NSUN4: variants seen among roughly 807,000 people sequenced by gnomAD.
The protein encoded by NSUN4 is NOP2/Sun RNA methyltransferase 4, also known as 5-cytosine rRNA methyltransferase NSUN4.
A neutral mutation model predicts 43.8 loss-of-function variants in NSUN4; 31 were observed. The observed-to-expected ratio is 0.71, with a 90% CI of 0.53 to 0.96. The LOEUF is 0.96. NSUN4 is among the 40% of genes least tolerant of loss of function. The pLI, the probability that NSUN4 is intolerant of heterozygous loss-of-function variation, is 0.00. For missense variants in NSUN4, 439 were observed against 475.6 expected (o/e 0.92, Z 0.72); for synonymous variants, 167 against 184.1 (o/e 0.91, Z 0.75).
At chr1:46,341,975 G>A (rs1249780532) in intron 1 of NSUN4, 9 of 1,232,078 alleles carry the variant, frequency 7.3e-6, no homozygotes, top group Non-Finnish European at 9.1e-6. Flanking sequence ...CCCCGGGAAC[G>A]AGCCCAGTGA....
At chr1:46,375,075 T>G in the NSUN4 span, among the ~76,000 whole-genome samples, 1 of 152,192 alleles carries the variant, frequency 6.6e-6, no homozygotes, top group African/African-American at 2.4e-5. Flanking sequence ...ATAGTTTATT[T>G]GAACAATCAA....
chr1:46,376,882 C>T, the NSUN4 span, among the ~76,000 whole-genome samples: 22 of 151,502 alleles, frequency 1.5e-4, no homozygotes, highest in African/African-American at 3.6e-4. Context: ...CTCAGCCTCC[C>T]GAGTAGCTGG....
rs907729298 is a variant in NSUN4 at position 46,364,390 on chromosome 1, A to G, written c.*2544A>G. 4 of 151,668 alleles carry G rather than the reference A, an allele frequency of 2.6e-5. No homozygotes were observed. Among genetic ancestry groups the G allele is most frequent in the Non-Finnish European group, 2.9e-5 (2 of 68,100 alleles). The allele number at this position is 151,668 out of a possible 1,614,324, so 9.4% of individuals were successfully genotyped here. On this transcript the variant is annotated 3_prime_UTR_variant, in exon 6 of 6. Coordinates refer to ENST00000474844, the MANE Select transcript of NSUN4 (RefSeq NM_199044.4). The stretch of plus-strand genomic sequence containing the variant: ...TTATAATGTGCTGTTTAAAGTCTGA[A>G]GCTCGGCCAGGTGCGGTGGCTCACG...
At position 46,361,744 on chromosome 1, in the gene NSUN4, AT is replaced by A. The variant is rs754918875; in HGVS notation, c.1057del (p.Cys353ValfsTer12). 1 of 1,614,212 alleles carries A rather than the reference AT, an allele frequency of 6.2e-7. No individual in the cohort carries two copies. Among genetic ancestry groups the A allele is most frequent in the Non-Finnish European group, 8.5e-7 (1 of 1,180,034 alleles). On this transcript the variant is annotated frameshift_variant, in exon 6 of 6. Coordinates refer to ENST00000474844, the MANE Select transcript of NSUN4 (RefSeq NM_199044.4). LOFTEE classifies it high-confidence loss of function. ...ACTTCCGAAGGGTTTTCATGGACAC[AT>A]TTTGTTTCTTCTCATCCTGTCAGGT... ...THFRRVFMDT[F>X]CFFSSCQVGE...
chr1:46,360,272 ATATATG>A (rs1391702284), intron 4 of NSUN4, among the ~76,000 whole-genome samples: 3,911 of 99,402 alleles, frequency 0.039, 235 homozygotes, highest in Non-Finnish European at 0.059. Flanking sequence ...ATATATATAT[ATATATG>A]TAAATTAGTC....
At chr1:46,366,701 A>G (rs866284524), downstream of NSUN4, among the ~76,000 whole-genome samples, 9 of 140,228 alleles carry the variant, frequency 6.4e-5, no homozygotes, top group Non-Finnish European at 1.2e-4. Flanking sequence ...TCTACTAAAA[A>G]TACAAAAAAA....
At chr1:46,348,084 G>C (rs910420933) in intron 3 of NSUN4, among the ~76,000 whole-genome samples, 5 of 152,148 alleles carry the variant, frequency 3.3e-5, no homozygotes, top group East Asian at 3.9e-4. Context: ...GTTTCACCCT[G>C]TTAGCCAGGA....
At chr1:46,368,919 C>T (rs1664195153), downstream of NSUN4, among the ~76,000 whole-genome samples, 1 of 152,160 alleles carries the variant, frequency 6.6e-6, no homozygotes, top group Non-Finnish European at 1.5e-5. Flanking sequence ...TCTCCATTGC[C>T]AGCAGGATCA....
chr1:46,377,083 T>C, the NSUN4 span, among the ~76,000 whole-genome samples: 1 of 151,778 alleles, frequency 6.6e-6, no homozygotes, highest in African/African-American at 2.4e-5. Flanking sequence ...AAAGTTTTGC[T>C]CTGTTGCCCA....
the NSUN4 span, among the ~76,000 whole-genome samples, chr1:46,375,974 C>A: frequency 6.6e-6 from 1 of 150,570 alleles, no homozygotes; most frequent in Non-Finnish European, 1.5e-5. Flanking sequence ...GGGGTGGTGG[C>A]ACATGCCTGT....
At chr1:46,341,130 C>T in intron 1 of NSUN4, 2 of 1,298,516 alleles carry the variant, frequency 1.5e-6, no homozygotes, top group Non-Finnish European at 2.0e-6. Flanking sequence ...CGTCTGCAGT[C>T]TCCTGACTCC....
At chr1:46,350,385 A>T (rs1163930488) in intron 3 of NSUN4, among the ~76,000 whole-genome samples, 3 of 151,980 alleles carry the variant, frequency 2.0e-5, no homozygotes, top group Non-Finnish European at 4.4e-5. Flanking sequence ...AAAAAAGGAG[A>T]CATTTATTTA....
chr1:46,368,525 CT>C (rs1342819085), downstream of NSUN4, among the ~76,000 whole-genome samples: 1 of 152,142 alleles, frequency 6.6e-6, no homozygotes, highest in African/African-American at 2.4e-5. Flanking sequence ...GTGCTGGAAG[CT>C]GTCTTAGACC....
rs1664086131 is a variant in NSUN4 at position 46,364,816 on chromosome 1, A to T, written c.*2970A>T. On this transcript the variant is annotated 3_prime_UTR_variant, in exon 6 of 6. Transcript: ENST00000474844. ...ATAAAAGCCCTGCTGGGAACTTCTG[A>T]TTTGAGCTCTTCCAAAACCAGGATG... 3 of 152,206 alleles carry T rather than the reference A, an allele frequency of 2.0e-5. No homozygotes were observed. Among genetic ancestry groups the T allele is most frequent in the Non-Finnish European group, 4.4e-5 (3 of 68,046 alleles). 9.4% of individuals were successfully genotyped at this position (152,206 alleles called of 1,614,324 possible). A position where few individuals can be genotyped will look rare whatever the true frequency, so the allele number is the denominator to read the frequency against.
chr1:46,368,856 C>T (rs950500177), downstream of NSUN4, among the ~76,000 whole-genome samples: 1 of 152,118 alleles, frequency 6.6e-6, no homozygotes. Context: ...AGTTTGAGAC[C>T]AGCCTGAGCA....
chr1:46,350,999 C>T (rs779909597), intron 3 of NSUN4, among the ~76,000 whole-genome samples: 4 of 152,212 alleles, frequency 2.6e-5, no homozygotes, highest in Non-Finnish European at 5.9e-5. Flanking sequence ...AAAATATCTT[C>T]CCAGAATTCC....
At position 46,347,073 on chromosome 1, in the gene NSUN4, G is replaced by T; in HGVS notation, c.590G>T (p.Cys197Phe). ...CTAGCGTTGCTTCAGACTGGCTGTTGCCGTAAGTCAGGGTGCTGGTGTGTT... is the reference window on the plus strand; with the variant it reads ...CTAGCGTTGCTTCAGACTGGCTGTTTCCGTAAGTCAGGGTGCTGGTGTGTT... ...KTLALLQTGC[C>F]RNLAANDLSP... Residue 197 changes from cysteine to phenylalanine, a missense_variant and splice_region_variant, in exon 3 of 6, where the codon TGC becomes TTC. Transcript: ENST00000474844. 1 of 1,613,520 alleles carries T rather than the reference G, an allele frequency of 6.2e-7. No homozygotes were observed. Among genetic ancestry groups the T allele is most frequent in the East Asian group, 2.2e-5 (1 of 44,878 alleles).
At chr1:46,359,313 G>A (rs1343942589) in intron 4 of NSUN4, among the ~76,000 whole-genome samples, 1 of 152,056 alleles carries the variant, frequency 6.6e-6, no homozygotes, top group African/African-American at 2.4e-5. Flanking sequence ...TGCTGTTTCT[G>A]CTGACTTGCT....
chr1:46,369,385 C>T (rs72888887), downstream of NSUN4, among the ~76,000 whole-genome samples: 967 of 152,164 alleles, frequency 6.4e-3, 13 homozygotes, highest in African/African-American at 0.022. Flanking sequence ...TAACTGTAGA[C>T]GCTAGAGTGG....
Sources: gnomAD v4.1 joint callset for allele counts (sites outside exome capture counted in the v4.1 genomes callset) on GRCh38, gnomAD v4.1.1 for gene constraint, MANE v1.5 for transcripts, NCBI Gene and HGNC (gene_info 2026-07-23, HGNC 2026-07-21) for gene names.